ABTB2: variants seen among roughly 807,000 people sequenced by gnomAD.
The protein encoded by ABTB2 is ankyrin repeat and BTB domain containing 2.
In ABTB2, 56 loss-of-function variants were observed where a neutral mutation model predicts 104.1. The observed-to-expected ratio is 0.54, with a 90% CI of 0.43 to 0.67. ABTB2 has a LOEUF of 0.67. ABTB2 is among the 30% of genes least tolerant of loss of function. The pLI is 0.00. For synonymous variants in ABTB2, 606 were observed against 608.2 expected (o/e 1.00, Z 0.05); for missense variants, 1,279 against 1,407.7 (o/e 0.91, Z 1.46).
chr11:34,290,393 G>C (rs1218727549), intron 1 of ABTB2, among the ~76,000 whole-genome samples: 2 of 152,190 alleles, frequency 1.3e-5, no homozygotes, highest in Non-Finnish European at 2.9e-5. Flanking sequence ...GCCAATCCCA[G>C]TAACCCCAGG....
intron 1 of ABTB2, among the ~76,000 whole-genome samples, chr11:34,239,189 G>C (rs1247112380): frequency 3.3e-5 from 5 of 152,194 alleles, no homozygotes; most frequent in African/African-American, 9.7e-5. Flanking sequence ...ACCAGGGGTG[G>C]GAGGTGAAGT....
In ABTB2 at chr11:34,161,008, C is replaced by T. The variant is rs1030649434; in HGVS notation, c.2292G>A (p.Val764=). The change falls in exon 11 of 17, where the codon GTG becomes GTA. Residue 764 remains valine, a synonymous_variant. Coordinates refer to ENST00000435224, the MANE Select transcript of ABTB2 (RefSeq NM_145804.3). ...TSFSQSRYSV[V]QSLLRDFSSI... ...AGCTGAAGTCCCGCAGGAGGCTCTG[C>T]ACCACCGAGTACCGCGACTGCGAGA... 2 of 1,613,688 alleles carry T rather than the reference C, an allele frequency of 1.2e-6. No individual in the cohort carries two copies. The highest frequency in any genetic ancestry group is 1.1e-5 in the South Asian group (1 of 91,070).
At chr11:34,214,539 T>C (rs965569802) in intron 1 of ABTB2, among the ~76,000 whole-genome samples, 6 of 118,744 alleles carry the variant, frequency 5.1e-5, no homozygotes, top group African/African-American at 3.4e-4. Flanking sequence ...CCACTTTTTT[T>C]TTTTTTTTTT....
intron 9 of ABTB2, among the ~76,000 whole-genome samples, chr11:34,163,943 G>A (rs2473921): frequency 0.072 from 10,791 of 150,750 alleles, 1,315 homozygotes; most frequent in African/African-American, 0.25. Flanking sequence ...GAAAGATGGC[G>A]CCTGGAGGGT....
Position 34,252,672 on chromosome 11 carries a change from T to A in ABTB2, c.884-47982A>T, listed in dbSNP as rs990147474. Among the ~76,000 whole-genome samples, 6 of 152,134 alleles carry A rather than the reference T, an allele frequency of 3.9e-5. No homozygotes were observed. The highest frequency in any genetic ancestry group is 3.3e-4 in the Admixed American group (5 of 15,276). The stretch of plus-strand genomic sequence containing the variant: ...GCACCTTCCTGAGGCTTAGAAGCTC[T>A]CCTGCCCTGGGGCTCCCCTACTTCA... On this transcript the variant is annotated intron_variant, in intron 1 of 16. Coordinates refer to ENST00000435224, the MANE Select transcript of ABTB2 (RefSeq NM_145804.3). The surrounding 1 kb of genome is among the most constrained non-coding windows in gnomAD (Gnocchi z 5.5).
intron 1 of ABTB2, among the ~76,000 whole-genome samples, chr11:34,267,928 C>T (rs976131093): frequency 1.3e-5 from 2 of 152,072 alleles, no homozygotes; most frequent in Admixed American, 6.6e-5. Context: ...AAACATGCTC[C>T]CTATTTTAAG....
intron 10 of ABTB2, among the ~76,000 whole-genome samples, chr11:34,161,774 A>G (rs958781887): frequency 3.9e-5 from 6 of 152,086 alleles, no homozygotes; most frequent in African/African-American, 1.2e-4. Flanking sequence ...TCTTACCCCA[A>G]CCTCACTGTG....
chr11:34,297,796 G>GAAAAAAAAAAAAAACAAAT (rs1554923796), intron 1 of ABTB2, among the ~76,000 whole-genome samples: 1 of 123,072 alleles, frequency 8.1e-6, no homozygotes, highest in Admixed American at 8.4e-5. Flanking sequence ...AAAAATAAAG[G>GAAAAAAAAAAAAAACAAAT]AAAGAAAAAG....
chr11:34,267,943 C>A (rs919024994), intron 1 of ABTB2, among the ~76,000 whole-genome samples: 1 of 152,070 alleles, frequency 6.6e-6, no homozygotes, highest in Non-Finnish European at 1.5e-5. Flanking sequence ...TTTAAGATTT[C>A]TTTTTTAGAC....
At chr11:34,314,703 G>A (rs1854903204) in intron 1 of ABTB2, among the ~76,000 whole-genome samples, 1 of 152,162 alleles carries the variant, frequency 6.6e-6, no homozygotes, top group Non-Finnish European at 1.5e-5. Context: ...GCTGGTGCCT[G>A]GATCCTCTTA....
At chr11:34,270,465 G>A (rs191127331) in intron 1 of ABTB2, among the ~76,000 whole-genome samples, 1 of 151,366 alleles carries the variant, frequency 6.6e-6, no homozygotes, top group East Asian at 2.0e-4. Context: ...TCAGCCTCCC[G>A]AGTAGCTGGG....
chr11:34,216,304 A>G (rs1180481786), intron 1 of ABTB2, among the ~76,000 whole-genome samples: 2 of 152,116 alleles, frequency 1.3e-5, no homozygotes, highest in Non-Finnish European at 2.9e-5. Flanking sequence ...TGCTCTGAAA[A>G]TCCTCTGTGC....
At chr11:34,169,057 A>G (rs1852837210) in intron 5 of ABTB2, among the ~76,000 whole-genome samples, 1 of 152,240 alleles carries the variant, frequency 6.6e-6, no homozygotes. Context: ...AGATCATTCT[A>G]TAAATACTAA....
intron 3 of ABTB2, among the ~76,000 whole-genome samples, chr11:34,184,066 GT>G (rs34633087): frequency 0.35 from 50,828 of 143,402 alleles, 9,765 homozygotes; most frequent in African/African-American, 0.54. Flanking sequence ...TTTAAAAAGT[GT>G]TTTTTTTTTT....
intron 16 of ABTB2, among the ~76,000 whole-genome samples, chr11:34,153,041 A>G (rs2132996823): frequency 6.6e-6 from 1 of 152,330 alleles, no homozygotes; most frequent in East Asian, 1.9e-4. Context: ...AGACAGACAG[A>G]ATCTGAGGAA....
chr11:34,223,665 G>A (rs938853682), intron 1 of ABTB2, among the ~76,000 whole-genome samples: 1 of 152,206 alleles, frequency 6.6e-6, no homozygotes, highest in African/African-American at 2.4e-5. Context: ...GGAGCACAGA[G>A]GAAAGCAGTC....
At chr11:34,266,335 T>C (rs1854249669) in intron 1 of ABTB2, among the ~76,000 whole-genome samples, 1 of 152,196 alleles carries the variant, frequency 6.6e-6, no homozygotes, top group Non-Finnish European at 1.5e-5. Flanking sequence ...TCTTCCTGCC[T>C]CAGCCTCCCG....
In ABTB2 at chr11:34,162,622, G is replaced by A. The variant is rs773774557; in HGVS notation, c.2172C>T (p.Ser724=). Residue 724 remains serine (S), a synonymous_variant, in exon 10 of 17, where the codon AGC becomes AGT. Transcript: ENST00000435224. ...TKALQEAMYY[S]AEHGYVDITM... is the part of the protein sequence containing the mutation. The stretch of plus-strand genomic sequence containing the variant: ...TGATGTCCACGTAGCCGTGCTCAGC[G>A]CTGTAGTACATGGCCTCCTGTAGGG... The A allele has an allele frequency of 5.6e-6, 9 of 1,613,546 alleles. No homozygotes were observed. The highest frequency in any genetic ancestry group is 5.3e-5 in the African/African-American group (4 of 74,944).
At chr11:34,290,432 G>T (rs188710742) in intron 1 of ABTB2, among the ~76,000 whole-genome samples, 1 of 152,198 alleles carries the variant, frequency 6.6e-6, no homozygotes, top group African/African-American at 2.4e-5. Context: ...TAAATGTGTG[G>T]TTCTTCTCTG....
Sources: allele counts gnomAD v4.1 joint callset (sites outside exome capture counted in the v4.1 genomes callset), GRCh38; gene constraint gnomAD v4.1.1; non-coding constraint Gnocchi (gnomAD v3.1); transcripts MANE v1.5; gene names NCBI Gene and HGNC (gene_info 2026-07-23, HGNC 2026-07-21).